ELAVL2: variants seen among roughly 807,000 people sequenced by gnomAD.
ELAVL2 encodes the protein ELAV-like protein 2.
In ELAVL2, 4 loss-of-function variants were observed where a neutral mutation model predicts 34.6. The observed-to-expected ratio is 0.12, with a 90% CI of 0.06 to 0.26. The LOEUF is 0.26. Ranked by LOEUF, ELAVL2 falls within the 10% of genes least tolerant of loss-of-function variation. The probability of loss-of-function intolerance (pLI) is 1.00; values close to 1 mark genes in which losing one functional copy is unlikely to be tolerated. For synonymous variants in ELAVL2, 193 were observed against 154.8 expected (o/e 1.25, Z -1.83); for missense variants, 432 against 442.8 (o/e 0.98, Z 0.22).
At chr9:23,797,626 G>A (rs531085947) in intron 1 of ELAVL2, among the ~76,000 whole-genome samples, 4 of 152,206 alleles carry the variant, frequency 2.6e-5, no homozygotes, top group Admixed American at 6.5e-5. Context: ...TGATATACTT[G>A]AGTGAATAAA....
chr9:23,787,296 G>A (rs1315453379), intron 1 of ELAVL2, among the ~76,000 whole-genome samples: 1 of 146,422 alleles, frequency 6.8e-6, no homozygotes, highest in Non-Finnish European at 1.5e-5. Context: ...TTTCGCTCTT[G>A]TCTCCCAGGC....
chr9:23,777,980 C>T (rs981771592), intron 1 of ELAVL2, among the ~76,000 whole-genome samples: 1 of 5,500 alleles, frequency 1.8e-4, no homozygotes, highest in Non-Finnish European at 3.0e-4. Flanking sequence ...AGCCAGGTGG[C>T]CTACTCTGAA....
chr9:23,841,256 T>C, the ELAVL2 span, among the ~76,000 whole-genome samples: 3 of 152,100 alleles, frequency 2.0e-5, no homozygotes, highest in South Asian at 2.1e-4. Context: ...CCAATCAAGA[T>C]AGTTTCCACC....
intron 1 of ELAVL2, among the ~76,000 whole-genome samples, chr9:23,802,222 C>T (rs1240397820): frequency 2.6e-5 from 4 of 152,072 alleles, no homozygotes; most frequent in African/African-American, 9.7e-5. Context: ...CAACGTGCTC[C>T]AAGTATGTTG....
chr9:23,811,165 AATGTTT>A (rs2062931131), intron 1 of ELAVL2, among the ~76,000 whole-genome samples: 1 of 152,156 alleles, frequency 6.6e-6, no homozygotes, highest in African/African-American at 2.4e-5. Context: ...TCCACAAAAC[AATGTTT>A]ATAAGTCAGC....
At chr9:23,719,174 G>A (rs985917304) in intron 3 of ELAVL2, among the ~76,000 whole-genome samples, 1 of 152,154 alleles carries the variant, frequency 6.6e-6, no homozygotes, top group African/African-American at 2.4e-5. Flanking sequence ...AGCACCTTGA[G>A]AATCCCGTCC....
In ELAVL2 at chr9:23,794,065, T is replaced by C. The variant is rs141840588; in HGVS notation, c.-16+31741A>G. Among the ~76,000 whole-genome samples the C allele has an allele frequency of 2.4e-3, 361 of 152,356 alleles. 1 individual carries two copies. The highest frequency in any genetic ancestry group is 8.0e-3 in the African/African-American group (333 of 41,582). ...GAGACATAAAATTCTAGAAGAGCTT[T>C]AGTTCTTTCATCATTGTGATCTAAA... On this transcript the variant is annotated intron_variant, in intron 1 of 6. Coordinates refer to ENST00000397312, the MANE Select transcript of ELAVL2 (RefSeq NM_004432.5).
intron 1 of ELAVL2, among the ~76,000 whole-genome samples, chr9:23,773,554 T>C (rs1383053875): frequency 6.6e-6 from 1 of 152,196 alleles, no homozygotes; most frequent in Non-Finnish European, 1.5e-5. Context: ...TGTATGAGCA[T>C]ATATGTATAT....
chr9:23,736,835 G>C (rs187330034), intron 2 of ELAVL2, among the ~76,000 whole-genome samples: 3 of 152,078 alleles, frequency 2.0e-5, no homozygotes, highest in Non-Finnish European at 4.4e-5. Context: ...CCATACTCTG[G>C]TTTCCAGTCA....
At chr9:23,745,024 A>C (rs1003542808) in intron 2 of ELAVL2, among the ~76,000 whole-genome samples, 1 of 152,066 alleles carries the variant, frequency 6.6e-6, no homozygotes, top group South Asian at 2.1e-4. Context: ...AGGCAACAAT[A>C]GGGAGAACCT....
At chr9:23,714,481 G>A (rs1254083248) in intron 3 of ELAVL2, among the ~76,000 whole-genome samples, 1 of 152,180 alleles carries the variant, frequency 6.6e-6, no homozygotes, top group Non-Finnish European at 1.5e-5. Flanking sequence ...TAAGGAAGGA[G>A]CTGTCTTACT....
intron 1 of ELAVL2, among the ~76,000 whole-genome samples, chr9:23,769,914 T>C (rs1042373454): frequency 2.0e-5 from 3 of 152,138 alleles, no homozygotes; most frequent in African/African-American, 7.2e-5. Context: ...GTTAGAGAGG[T>C]AAGATAATGA....
the ELAVL2 span, among the ~76,000 whole-genome samples, chr9:23,837,087 T>A: frequency 1.1e-4 from 16 of 152,206 alleles, no homozygotes; most frequent in Non-Finnish European, 1.6e-4. Context: ...ACACTGACAA[T>A]AATGAAAGTG....
chr9:23,744,237 C>T (rs575395408), intron 2 of ELAVL2, among the ~76,000 whole-genome samples: 8 of 152,254 alleles, frequency 5.3e-5, no homozygotes, highest in Non-Finnish European at 2.9e-5. Flanking sequence ...TTCTGATGTG[C>T]GTGTTAGAAT....
intron 5 of ELAVL2, among the ~76,000 whole-genome samples, chr9:23,694,787 C>T (rs1179527537): frequency 6.6e-6 from 1 of 152,200 alleles, no homozygotes; most frequent in Non-Finnish European, 1.5e-5. Flanking sequence ...ATGAGAAGAA[C>T]TGAGCTTATG....
chr9:23,774,213 C>CAAAAAA (rs57247631), intron 1 of ELAVL2, among the ~76,000 whole-genome samples: 8 of 61,428 alleles, frequency 1.3e-4, no homozygotes, highest in Admixed American at 2.2e-4. Context: ...GACTCCATCT[C>CAAAAAA]AAAAAAAAAA....
chr9:23,813,706 C>A (rs2063331882), intron 1 of ELAVL2, among the ~76,000 whole-genome samples: 1 of 152,128 alleles, frequency 6.6e-6, no homozygotes. Flanking sequence ...AAAGGAGAAA[C>A]TGTTTTTCAA....
chr9:23,781,518 C>CTT (rs34293408), intron 1 of ELAVL2, among the ~76,000 whole-genome samples: 7,785 of 135,746 alleles, frequency 0.057, 324 homozygotes, highest in Middle Eastern at 0.1. Context: ...TTTTTCTTTC[C>CTT]TTTTTTTTTT....
chr9:23,796,725 A>G (rs1372557611), intron 1 of ELAVL2, among the ~76,000 whole-genome samples: 1 of 152,242 alleles, frequency 6.6e-6, no homozygotes, highest in East Asian at 1.9e-4. Context: ...AAGATATTTA[A>G]TTATAGCTCT....
Sources: gnomAD v4.1 joint callset for allele counts (sites outside exome capture counted in the v4.1 genomes callset) on GRCh38, gnomAD v4.1.1 for gene constraint, MANE v1.5 for transcripts, NCBI Gene and HGNC (gene_info 2026-07-23, HGNC 2026-07-21) for gene names.